Variants in RB1CC1 observed in about 807,000 individuals in gnomAD.
RB1CC1 encodes RB1 inducible coiled-coil 1, also known as RB1-inducible coiled-coil protein 1.
In RB1CC1, 46 loss-of-function variants were observed where a neutral mutation model predicts 177.5. The ratio of observed to expected loss-of-function variants is 0.26; its 90% CI spans 0.20 to 0.33. The LOEUF is 0.33. Among genes scored for constraint, RB1CC1 ranks in the 10% least tolerant of loss-of-function variants. The pLI is 1.00. For missense variants in RB1CC1, 1,703 were observed against 1,816.3 expected (o/e 0.94, Z 1.13); for synonymous variants, 666 against 613.6 (o/e 1.09, Z -1.26).
chr8:52,655,263 G>A (rs1355546499), intron 15 of RB1CC1, among the ~76,000 whole-genome samples: 4 of 152,066 alleles, frequency 2.6e-5, no homozygotes, highest in African/African-American at 9.7e-5. Flanking sequence ...AAGTGATAAG[G>A]CAAGACACAG....
At chr8:52,663,993 G>A (rs932846137) in intron 8 of RB1CC1, among the ~76,000 whole-genome samples, 1 of 152,174 alleles carries the variant, frequency 6.6e-6, no homozygotes, top group Admixed American at 6.5e-5. Context: ...GATAAGTACA[G>A]CATACTAAGA....
At chr8:52,634,083 C>T (rs1563351981) in intron 20 of RB1CC1, among the ~76,000 whole-genome samples, 2 of 152,086 alleles carry the variant, frequency 1.3e-5, no homozygotes, top group Admixed American at 6.6e-5. Context: ...CAACACCACA[C>T]TTCAGCCTGG....
At chr8:52,698,121 CTAGAG>C (rs765612968) in intron 1 of RB1CC1, among the ~76,000 whole-genome samples, 2 of 152,084 alleles carry the variant, frequency 1.3e-5, no homozygotes, top group Non-Finnish European at 2.9e-5. Context: ...GTCACCCAGG[CTAGAG>C]TATAGTGGCG....
At chr8:52,687,080 G>A in intron 1 of RB1CC1, 113 bp from the exon 2 acceptor site, 1 of 380,318 alleles carries the variant, frequency 2.6e-6, no homozygotes, top group Non-Finnish European at 5.2e-6. Context: ...TCTCTACTCA[G>A]GCCCTTCTAC....
In RB1CC1 at chr8:52,655,991, C is replaced by CTAAA. The variant is rs1851052168; in HGVS notation, c.3821+13_3821+16dup. 3.2e-6 allele frequency: 5 copies of CTAAA among 1,540,672 alleles called. No individual in the cohort carries two copies. In the East Asian group the frequency reaches 1.1e-4, roughly 35 times the overall value. ...GATATTTTAATTTTATAATTACAGA[C>CTAAA]TAAACTTAATTCTTACCTTTTTGCT... is the stretch of plus-strand genomic sequence containing the variant. On this transcript the variant is annotated intron_variant, in intron 15 of 23. Transcript: ENST00000025008.
At chr8:52,700,233 A>G (rs1037921394) in intron 1 of RB1CC1, among the ~76,000 whole-genome samples, 10 of 152,064 alleles carry the variant, frequency 6.6e-5, no homozygotes, top group African/African-American at 2.2e-4. Flanking sequence ...CTTTGCCACT[A>G]TGTCTCAAAG....
chr8:52,681,912 C>T (rs770377936), intron 5 of RB1CC1, among the ~76,000 whole-genome samples: 3 of 152,184 alleles, frequency 2.0e-5, no homozygotes, highest in Non-Finnish European at 4.4e-5. Flanking sequence ...CCTGTTAGGG[C>T]AGTGTAGAAG....
chr8:52,712,480 G>C (rs1415972450), intron 1 of RB1CC1, among the ~76,000 whole-genome samples: 1 of 119,840 alleles, frequency 8.3e-6, no homozygotes, highest in Non-Finnish European at 1.6e-5. Flanking sequence ...CTGATCTTGT[G>C]TTTGGCAGCA....
rs1010876547 is a variant in RB1CC1, at chr8:52,638,032, G to A, written c.4338-1963C>T. On this transcript the variant is annotated intron_variant, in intron 18 of 23. Coordinates refer to ENST00000025008, the MANE Select transcript of RB1CC1 (RefSeq NM_014781.5). ...TGATAGAACTTCCAAGTACAATGTT[G>A]AGCAGCAGTGGCAAGAGCAGGCCAT... Among the ~76,000 whole-genome samples the A allele has an allele frequency of 2.6e-5, 4 of 152,206 alleles. 1 individual carries two copies. The highest frequency in any genetic ancestry group is 3.4e-3 in the Middle Eastern group (1 of 294).
chr8:52,674,501 G>A (rs1852904952), intron 6 of RB1CC1, among the ~76,000 whole-genome samples: 1 of 152,174 alleles, frequency 6.6e-6, no homozygotes, highest in East Asian at 1.9e-4. Flanking sequence ...GGGCGTGGTG[G>A]CTCACACCTG....
intron 15 of RB1CC1, 83 bp downstream of exon 15, chr8:52,655,925 G>A: frequency 9.1e-7 from 1 of 1,100,932 alleles, no homozygotes; most frequent in East Asian, 2.6e-5. Flanking sequence ...CAAGGTAAAT[G>A]AGTAAATCAA....
chr8:52,636,629 T>C (rs1849162180), intron 18 of RB1CC1, among the ~76,000 whole-genome samples: 1 of 152,236 alleles, frequency 6.6e-6, no homozygotes, highest in African/African-American at 2.4e-5. Flanking sequence ...GCAGGTATTC[T>C]GTCTTCTTCA....
intron 1 of RB1CC1, among the ~76,000 whole-genome samples, chr8:52,698,054 G>C (rs148244268): frequency 6.6e-6 from 1 of 151,920 alleles, no homozygotes; most frequent in Non-Finnish European, 1.5e-5. Context: ...AAAATGTTAC[G>C]GATAAAAATT....
chr8:52,638,191 A>T (rs964531892), intron 18 of RB1CC1, among the ~76,000 whole-genome samples: 7 of 152,152 alleles, frequency 4.6e-5, no homozygotes, highest in African/African-American at 1.4e-4. Context: ...TTATGATGAA[A>T]GGCTGTTGGG....
intron 18 of RB1CC1, among the ~76,000 whole-genome samples, chr8:52,641,805 C>T (rs961109226): frequency 4.6e-5 from 7 of 152,176 alleles, no homozygotes; most frequent in African/African-American, 1.7e-4. Flanking sequence ...ACTTTCTCCT[C>T]CCAATTCTGT....
rs1425843828 is a variant in RB1CC1 at position 52,673,853 on chromosome 8, T to C, written c.994A>G (p.Met332Val). The change falls in exon 7 of 24, where the codon ATG (methionine) becomes GTG (valine). Residue 332 changes from methionine to valine, a missense_variant. Physicochemically the swap from Met to Val is conservative, Grantham distance 21. Coordinates refer to ENST00000025008, the MANE Select transcript of RB1CC1 (RefSeq NM_014781.5). ...AAATTAACGTTACTTACCCTGCTCA[T>C]AGAATCAAAGCACTTCCTGACCAAA... Reference protein sequence around the residue: ...ESLVRKCFDSMSRLDPRIIRP... With the variant: ...ESLVRKCFDSVSRLDPRIIRP... 8.7e-6 allele frequency: 14 copies of C among 1,607,586 alleles called. No homozygotes were observed. In the Admixed American group the frequency reaches 1.0e-4, roughly 12 times the overall value.
chr8:52,630,808 T>G (rs1423986585), intron 20 of RB1CC1, among the ~76,000 whole-genome samples: 1 of 152,226 alleles, frequency 6.6e-6, no homozygotes, highest in Non-Finnish European at 1.5e-5. Flanking sequence ...AAGAAGACTT[T>G]GAAAATTCTA....
chr8:52,634,391 C>T (rs779295566), intron 20 of RB1CC1, among the ~76,000 whole-genome samples: 1 of 151,798 alleles, frequency 6.6e-6, no homozygotes, highest in Non-Finnish European at 1.5e-5. Context: ...GGTGTGACGG[C>T]GCAGCACACT....
chr8:52,625,915 C>CA (rs1403061345), intron 22 of RB1CC1, among the ~76,000 whole-genome samples: 2 of 152,050 alleles, frequency 1.3e-5, no homozygotes, highest in East Asian at 3.9e-4. Flanking sequence ...ATTTTTATTC[C>CA]ATACAAATAA....
Sources: allele counts gnomAD v4.1 joint callset (sites outside exome capture counted in the v4.1 genomes callset), GRCh38; gene constraint gnomAD v4.1.1; transcripts MANE v1.5; gene names NCBI Gene and HGNC (gene_info 2026-07-23, HGNC 2026-07-21).